Variants in PCM1 observed in about 807,000 individuals in gnomAD.
PCM1 encodes the protein pericentriolar material 1.
A neutral mutation model predicts 241.9 loss-of-function variants in PCM1; 157 were observed. That is an observed-to-expected ratio of 0.65 (90% CI 0.57 to 0.74). The LOEUF is 0.74. PCM1 is among the 30% of genes least tolerant of loss of function. The pLI, the probability that PCM1 is intolerant of heterozygous loss-of-function variation, is 0.00. For synonymous variants in PCM1, 1,085 were observed against 784.9 expected (o/e 1.38, Z -6.39); for missense variants, 3,478 against 2,360.1 (o/e 1.47, Z -9.81).
chr8:18,010,112 T>A (rs1158590899), intron 31 of PCM1, among the ~76,000 whole-genome samples: 2 of 152,230 alleles, frequency 1.3e-5, no homozygotes, highest in African/African-American at 4.8e-5. Flanking sequence ...GAATATGCAT[T>A]ACCCAGAGGT....
rs1233393789 is a variant in PCM1 at position 18,029,193 on chromosome 8, T to A, written c.*1531T>A. The A allele has an allele frequency of 5.3e-6, 1 of 188,008 alleles. No homozygotes were observed. Among genetic ancestry groups the A allele is most frequent in the Non-Finnish European group, 1.1e-5 (1 of 89,288 alleles). 11.6% of individuals were successfully genotyped at this position (188,008 alleles called of 1,614,324 possible). A position where few individuals can be genotyped will look rare whatever the true frequency, so the allele number is the denominator to read the frequency against. On this transcript the variant is annotated 3_prime_UTR_variant, in exon 39 of 39. Coordinates refer to ENST00000325083, the MANE Select transcript of PCM1 (RefSeq NM_006197.4). ...AAAAAAAAAAAAAAAGTTAACTTGC[T>A]GTATACCTCAGTGTAATGTCCATTC...
chr8:17,981,829 C>A (rs1254841094), intron 24 of PCM1, among the ~76,000 whole-genome samples: 2 of 151,590 alleles, frequency 1.3e-5, no homozygotes, highest in Non-Finnish European at 2.9e-5. Context: ...GTACAACTTT[C>A]CTGGAAAGCT....
At chr8:17,947,817 TATTTTA>T in intron 7 of PCM1, among the ~76,000 whole-genome samples, 1 of 152,348 alleles carries the variant, frequency 6.6e-6, no homozygotes, top group East Asian at 1.9e-4. Context: ...TAGTAGCTGT[TATTTTA>T]ATTAGGTATC....
chr8:17,985,841 G>A (rs937719657), intron 25 of PCM1, 118 bp from the exon 26 acceptor site: 2 of 774,642 alleles, frequency 2.6e-6, no homozygotes, highest in South Asian at 2.2e-5. Flanking sequence ...CACTTAACCT[G>A]TGAGGGTAGA....
intron 27 of PCM1, among the ~76,000 whole-genome samples, chr8:17,991,139 A>G (rs1429472197): frequency 2.6e-5 from 4 of 151,018 alleles, no homozygotes; most frequent in Admixed American, 2.0e-4. Context: ...TTTCTTACCT[A>G]ATTTGCTTGT....
At chr8:18,004,507 T>G (rs1055457312) in intron 29 of PCM1, among the ~76,000 whole-genome samples, 3 of 152,158 alleles carry the variant, frequency 2.0e-5, no homozygotes, top group African/African-American at 7.2e-5. Flanking sequence ...GTGATTTCAT[T>G]TCATGAGGAA....
chr8:17,946,528 G>T (rs771061647), intron 6 of PCM1, among the ~76,000 whole-genome samples: 31 of 149,636 alleles, frequency 2.1e-4, no homozygotes, highest in Admixed American at 9.4e-4. Context: ...ACGGGGTCTC[G>T]CTCTGTCACC....
intron 36 of PCM1, among the ~76,000 whole-genome samples, chr8:18,022,715 AGACTTTAT>A: frequency 6.6e-6 from 1 of 152,222 alleles, no homozygotes; most frequent in Non-Finnish European, 1.5e-5. Context: ...ATATGCAGTC[AGACTTTAT>A]GATTTAACAC....
At chr8:17,997,837 C>G (rs1227527267) in intron 29 of PCM1, among the ~76,000 whole-genome samples, 2 of 145,988 alleles carry the variant, frequency 1.4e-5, no homozygotes, top group Non-Finnish European at 3.0e-5. Context: ...CCAGCCTGGC[C>G]AACACGGTGA....
Position 17,960,458 on chromosome 8 carries a change from T to G in PCM1, c.2322+14T>G. 6.4e-7 allele frequency: 1 copy of G among 1,570,072 alleles called. No individual in the cohort carries two copies. Reference sequence around the variant, plus strand: ...CCTGACTTACAGGTAATTATGAAATTTATTTCTAATTGTCTGAAAAAAGAT... The same window carrying G: ...CCTGACTTACAGGTAATTATGAAATGTATTTCTAATTGTCTGAAAAAAGAT... On this transcript the variant is annotated intron_variant, in intron 15 of 38. Coordinates refer to ENST00000325083, the MANE Select transcript of PCM1 (RefSeq NM_006197.4).
chr8:17,925,540 A>C (rs7813425), intron 2 of PCM1: 17 of 152,320 alleles, frequency 1.1e-4, no homozygotes, highest in Non-Finnish European at 7.3e-5. Context: ...TCATTTTGAA[A>C]GTTTTGTAGA....
rs112489744 is a variant in PCM1, at chr8:17,999,488, G to A, written c.4827+5869G>A. On this transcript the variant is annotated intron_variant, in intron 29 of 38. Transcript: ENST00000325083. ...CTGGGGCCTGGAATGGCGACCTCACGACTCTGCCGGTGCCCTGTTGTAGCT... is the reference window on the plus strand; with the variant it reads ...CTGGGGCCTGGAATGGCGACCTCACAACTCTGCCGGTGCCCTGTTGTAGCT... Among the ~76,000 whole-genome samples, 10 of 152,160 alleles carry A rather than the reference G, an allele frequency of 6.6e-5. 1 individual carries two copies. Among genetic ancestry groups the A allele is most frequent in the South Asian group, 4.2e-4 (2 of 4,806 alleles).
chr8:17,969,558 C>A lies in PCM1; in HGVS notation c.3413-19C>A. The A allele has an allele frequency of 6.6e-7, 1 of 1,513,384 alleles. No individual in the cohort carries two copies. Among genetic ancestry groups the A allele is most frequent in the Non-Finnish European group, 9.0e-7 (1 of 1,117,216 alleles). The allele number at this position is 1,513,384 out of a possible 1,614,324, so 93.7% of individuals were successfully genotyped here. On this transcript the variant is annotated intron_variant, in intron 21 of 38. Transcript: ENST00000325083. ...GACATTTATTTATTTTTCTCTTACC[C>A]ATTGCTTTTACTGATTAGGTATGAA...
At position 18,021,053 on chromosome 8, in the gene PCM1, C is replaced by T. The variant is rs114476634; in HGVS notation, c.5842-4308C>T. On this transcript the variant is annotated intron_variant, in intron 36 of 38. Coordinates refer to ENST00000325083, the MANE Select transcript of PCM1 (RefSeq NM_006197.4). ...TGACAAAATATGCATTTTGAATGAA[C>T]TCCACAGAATTGACCAAGATCAAAT... Among the ~76,000 whole-genome samples the T allele has an allele frequency of 7.4e-3, 1,131 of 152,280 alleles. 9 individuals are homozygous for T. Among genetic ancestry groups the T allele is most frequent in the African/African-American group, 0.026 (1,083 of 41,554 alleles).
In PCM1 at chr8:18,021,126, A is replaced by G. The variant is rs553014178; in HGVS notation, c.5842-4235A>G. ...AAACAATGCTGTGCACTTGAGTTGAAACAACAAAAATGGAATCTTAAAGGT... is the reference window on the plus strand; with the variant it reads ...AAACAATGCTGTGCACTTGAGTTGAGACAACAAAAATGGAATCTTAAAGGT... On this transcript the variant is annotated intron_variant, in intron 36 of 38. Transcript: ENST00000325083. 1.1e-4 allele frequency among the ~76,000 whole-genome samples: 17 copies of G among 152,310 alleles called. No individual in the cohort carries two copies. In the South Asian group the frequency reaches 3.5e-3, roughly 32 times the overall value.
chr8:17,955,719 T>A (rs112321864), intron 10 of PCM1, 66 bp downstream of exon 10: 35 of 1,251,404 alleles, frequency 2.8e-5, no homozygotes, highest in African/African-American at 4.5e-5. Context: ...TTTTTTTTTT[T>A]ATGTTGAAAA....
Position 18,025,471 on chromosome 8 carries a change from A to G in PCM1, c.5934+18A>G, listed in dbSNP as rs971523816. On this transcript the variant is annotated intron_variant, in intron 37 of 38. Coordinates refer to ENST00000325083, the MANE Select transcript of PCM1 (RefSeq NM_006197.4). ...ATTCAGAGGTATTTAGCTGTCTTTAATTAAACTTGTCTTTACATAACAAAT... is the reference window on the plus strand; with the variant it reads ...ATTCAGAGGTATTTAGCTGTCTTTAGTTAAACTTGTCTTTACATAACAAAT... The G allele has an allele frequency of 5.8e-6, 9 of 1,538,984 alleles. No homozygotes were observed. Among genetic ancestry groups the G allele is most frequent in the Middle Eastern group, 1.7e-4 (1 of 5,924 alleles).
At chr8:18,022,865 G>C (rs918775640) in intron 36 of PCM1, among the ~76,000 whole-genome samples, 4 of 152,162 alleles carry the variant, frequency 2.6e-5, no homozygotes, top group African/African-American at 9.7e-5. Flanking sequence ...AGAGGCAAAT[G>C]GAATACCCCT....
chr8:17,934,664 C>T (rs1585770097), intron 2 of PCM1: 1 of 152,068 alleles, frequency 6.6e-6, no homozygotes, highest in Non-Finnish European at 1.5e-5. Flanking sequence ...TTTCATGTCC[C>T]TTGAATTTTA....
Sources: gnomAD v4.1 joint callset for allele counts (sites outside exome capture counted in the v4.1 genomes callset) on GRCh38, gnomAD v4.1.1 for gene constraint, MANE v1.5 for transcripts, NCBI Gene and HGNC (gene_info 2026-07-23, HGNC 2026-07-21) for gene names.